The following MLLT10 variants were observed in gnomAD, a reference collection of about 807,000 sequenced individuals.
The protein encoded by MLLT10 is MLLT10 histone lysine methyltransferase DOT1L cofactor, also known as protein AF-10.
Under a neutral mutation model 129.1 loss-of-function variants are expected in MLLT10, and 30 were observed. The ratio of observed to expected loss-of-function variants is 0.23; its 90% CI spans 0.17 to 0.32. The LOEUF (loss-of-function observed/expected upper bound fraction) is 0.32. Among genes scored for constraint, MLLT10 ranks in the 10% least tolerant of loss-of-function variants. The pLI is 1.00. For missense variants in MLLT10, 1,119 were observed against 1,268.3 expected (o/e 0.88, Z 1.79); for synonymous variants, 490 against 446.4 (o/e 1.10, Z -1.23).
At chr10:21,665,237 C>T (rs545373328) in intron 9 of MLLT10, among the ~76,000 whole-genome samples, 33 of 148,248 alleles carry the variant, frequency 2.2e-4, no homozygotes, top group East Asian at 8.2e-4. Flanking sequence ...CGAGCCACTG[C>T]GCCTGGCCTG....
chr10:21,626,064 T>G, intron 8 of MLLT10: 1 of 1,517,924 alleles, frequency 6.6e-7, no homozygotes, highest in Non-Finnish European at 9.2e-7. Flanking sequence ...AAGGCCTTGA[T>G]CTTCACTTCA....
chr10:21,688,517 A>G, intron 13 of MLLT10: 12 of 1,612,986 alleles, frequency 7.4e-6, no homozygotes, highest in Non-Finnish European at 1.0e-5. Context: ...TACACTAACA[A>G]AGCAAGAACT....
intron 9 of MLLT10, among the ~76,000 whole-genome samples, chr10:21,663,731 AT>A (rs922535620): frequency 3.8e-4 from 58 of 152,084 alleles, no homozygotes; most frequent in African/African-American, 1.4e-3. Flanking sequence ...CACCTGGGTA[AT>A]TTTTAAATAT....
chr10:21,742,206 T>C lies in MLLT10; in HGVS notation c.*223T>C, dbSNP rs922647985. On this transcript the variant is annotated 3_prime_UTR_variant, in exon 23 of 23. Transcript: ENST00000307729. The stretch of plus-strand genomic sequence containing the variant: ...CATGCCCCTACCCCTTACCCCAGTT[T>C]TTTGAACATGGAAAGAAAATTTAAT... 9.6e-6 allele frequency: 4 copies of C among 418,224 alleles called. No homozygotes were observed. The highest frequency in any genetic ancestry group is 8.1e-5 in the African/African-American group (4 of 49,126). 25.9% of individuals were successfully genotyped at this position (418,224 alleles called of 1,614,324 possible). A position where few individuals can be genotyped will look rare whatever the true frequency, so the allele number is the denominator to read the frequency against.
chr10:21,630,987 C>A (rs547662368), intron 8 of MLLT10, among the ~76,000 whole-genome samples: 1 of 152,172 alleles, frequency 6.6e-6, no homozygotes, highest in African/African-American at 2.4e-5. Context: ...AAGGTCTTAC[C>A]AAGATCACAT....
At chr10:21,547,301 T>G (rs2036241117) in intron 3 of MLLT10, among the ~76,000 whole-genome samples, 1 of 152,154 alleles carries the variant, frequency 6.6e-6, no homozygotes, top group South Asian at 2.1e-4. Flanking sequence ...ATATCTGTAC[T>G]CCGTTTGAAC....
At chr10:21,545,920 T>C (rs1470136436) in intron 3 of MLLT10, among the ~76,000 whole-genome samples, 1 of 152,036 alleles carries the variant, frequency 6.6e-6, no homozygotes, top group Non-Finnish European at 1.5e-5. Context: ...TCCCGTGTTG[T>C]CCTCCTAAAG....
chr10:21,559,727 T>C lies in MLLT10; in HGVS notation c.240+20815T>C, dbSNP rs149819810. ...TATTTGTTCTTTTGTACGTAGCTTATTTCACTTTGAATGTTTTCAAGGTTC... is the reference window on the plus strand; with the variant it reads ...TATTTGTTCTTTTGTACGTAGCTTACTTCACTTTGAATGTTTTCAAGGTTC... On this transcript the variant is annotated intron_variant, in intron 3 of 22. Transcript: ENST00000307729. Among the ~76,000 whole-genome samples, 1,082 of 152,320 alleles carry C rather than the reference T, an allele frequency of 7.1e-3. 14 individuals are homozygous for C. The highest frequency in any genetic ancestry group is 9.4e-3 in the Non-Finnish European group (640 of 68,024).
In MLLT10 at chr10:21,742,757, C is replaced by G. The variant is rs1306625603; in HGVS notation, c.*774C>G. 4.4e-6 allele frequency: 1 copy of G among 227,166 alleles called. No homozygotes were observed. Among genetic ancestry groups the G allele is most frequent in the Non-Finnish European group, 8.7e-6 (1 of 114,362 alleles). 14.1% of individuals were successfully genotyped at this position (227,166 alleles called of 1,614,324 possible). A position where few individuals can be genotyped will look rare whatever the true frequency, so the allele number is the denominator to read the frequency against. ...CAGAAAGGGGCCACTGTGGAAAGTG[C>G]TGGTGGGGTTTGCCCTTGATCAAGT... On this transcript the variant is annotated 3_prime_UTR_variant, in exon 23 of 23. Transcript: ENST00000307729.
chr10:21,557,278 T>C, intron 3 of MLLT10: 1 of 726,618 alleles, frequency 1.4e-6, no homozygotes, highest in Non-Finnish European at 1.8e-6. Context: ...CTGTATTTGA[T>C]ATAACACTTT....
intron 15 of MLLT10, among the ~76,000 whole-genome samples, chr10:21,727,500 A>G (rs910982072): frequency 3.3e-5 from 5 of 152,338 alleles, no homozygotes; most frequent in African/African-American, 1.2e-4. Flanking sequence ...TGTGATAAGC[A>G]TACAGATTAG....
At chr10:21,661,971 G>T (rs2050257208) in intron 9 of MLLT10, among the ~76,000 whole-genome samples, 2 of 150,776 alleles carry the variant, frequency 1.3e-5, no homozygotes, top group Admixed American at 6.6e-5. Flanking sequence ...CAGCTTTTGT[G>T]GTTTTTATTG....
rs368457444 is a variant in MLLT10, at chr10:21,641,901, C to T, written c.700-9772C>T. On this transcript the variant is annotated intron_variant, in intron 8 of 22. Coordinates refer to ENST00000307729, the MANE Select transcript of MLLT10 (RefSeq NM_001195626.3). ...GTTAATTTAACAGTAGCCAATTCAG[C>T]TGTGGCAGAGCATTGTTGACTTTCA... is the stretch of plus-strand genomic sequence containing the variant. 2.6e-5 allele frequency among the ~76,000 whole-genome samples: 4 copies of T among 152,304 alleles called. No homozygotes were observed. In the East Asian group the frequency reaches 7.7e-4, roughly 29 times the overall value.
At position 21,733,026 on chromosome 10, in the gene MLLT10, T is replaced by C; in HGVS notation, c.2346T>C (p.Phe782=). Residue 782 remains phenylalanine, a synonymous_variant, in exon 18 of 23, where the codon TTT becomes TTC. Coordinates refer to ENST00000307729, the MANE Select transcript of MLLT10 (RefSeq NM_001195626.3). ...TGAATGCACAGCTTTCAGTGCCTTT[T>C]CCAACAATAACAGCAAATCCTAGTC... is the stretch of plus-strand genomic sequence containing the variant. ...QLLNAQLSVP[F]PTITANPSPS... 6.2e-7 allele frequency: 1 copy of C among 1,613,854 alleles called. No individual in the cohort carries two copies.
At chr10:21,605,474 C>A (rs1393763673) in intron 5 of MLLT10, among the ~76,000 whole-genome samples, 1 of 152,008 alleles carries the variant, frequency 6.6e-6, no homozygotes, top group Non-Finnish European at 1.5e-5. Context: ...GAGATAGGGT[C>A]TTGCTCTGTC....
intron 3 of MLLT10, chr10:21,557,080 A>T: frequency 7.1e-7 from 1 of 1,412,956 alleles, no homozygotes; most frequent in Non-Finnish European, 9.2e-7. Flanking sequence ...ACATTTTTGA[A>T]TCATCTCATG....
At chr10:21,632,084 C>A (rs1397518274) in intron 8 of MLLT10, among the ~76,000 whole-genome samples, 1 of 151,962 alleles carries the variant, frequency 6.6e-6, no homozygotes, top group Non-Finnish European at 1.5e-5. Context: ...ATTTTGAAGA[C>A]CTGCTTGCTT....
At chr10:21,709,892 C>T (rs948992676) in intron 13 of MLLT10, among the ~76,000 whole-genome samples, 8 of 152,008 alleles carry the variant, frequency 5.3e-5, no homozygotes, top group African/African-American at 1.9e-4. Context: ...CACACACCAC[C>T]ATGCTTGACA....
rs1308172226 is a variant in MLLT10, at chr10:21,707,315, C to G, written c.1700-6457C>G. Among the ~76,000 whole-genome samples, 3 of 151,486 alleles carry G rather than the reference C, an allele frequency of 2.0e-5. No homozygotes were observed. In the East Asian group the frequency reaches 5.8e-4, roughly 29 times the overall value. The stretch of plus-strand genomic sequence containing the variant: ...TCACGCCATTCTCCTGCCTCAGCCT[C>G]CCGTGTAGCTGGGACTACAGGCACG... On this transcript the variant is annotated intron_variant, in intron 13 of 22. Coordinates refer to ENST00000307729, the MANE Select transcript of MLLT10 (RefSeq NM_001195626.3).
Sources: gnomAD v4.1 joint callset for allele counts (sites outside exome capture counted in the v4.1 genomes callset) on GRCh38, gnomAD v4.1.1 for gene constraint, MANE v1.5 for transcripts, NCBI Gene and HGNC (gene_info 2026-07-23, HGNC 2026-07-21) for gene names.